The following MACROD2 variants were observed in gnomAD, a reference collection of about 807,000 sequenced individuals.
MACROD2 encodes the protein ADP-ribose glycohydrolase MACROD2.
MACROD2 carries 36 observed loss-of-function variants against 70.4 expected under a neutral mutation model. The observed-to-expected ratio is 0.51, with a 90% confidence interval of 0.39 to 0.68. The LOEUF is 0.68. MACROD2 is among the 30% of genes least tolerant of loss of function. The pLI, the probability that MACROD2 is intolerant of heterozygous loss-of-function variation, is 0.00. For synonymous variants in MACROD2, 172 were observed against 178.8 expected (o/e 0.96, Z 0.30); for missense variants, 496 against 538.4 (o/e 0.92, Z 0.78).
At chr20:15,131,834 A>G (rs1399527275) in intron 5 of MACROD2, among the ~76,000 whole-genome samples, 1 of 152,038 alleles carries the variant, frequency 6.6e-6, no homozygotes, top group Non-Finnish European at 1.5e-5. Flanking sequence ...AATGTAAAAC[A>G]TAAGAAGTTG....
rs184263329 is a variant in MACROD2, at chr20:15,701,618, A to G, written c.646-161127A>G. The stretch of plus-strand genomic sequence containing the variant: ...CATTTCCAGAGAAAATATCCTTAAT[A>G]TAGTTATGAATTGATGATTGCCTCC... On this transcript the variant is annotated intron_variant, in intron 8 of 17. Coordinates refer to ENST00000684519, the MANE Select transcript of MACROD2 (RefSeq NM_001351661.2). Among the ~76,000 whole-genome samples, 213 of 152,254 alleles carry G rather than the reference A, an allele frequency of 1.4e-3. 1 individual carries two copies. Among genetic ancestry groups the G allele is most frequent in the Non-Finnish European group, 2.4e-3 (161 of 68,014 alleles).
At chr20:16,033,727 T>C (rs1442828192) in intron 15 of MACROD2, among the ~76,000 whole-genome samples, 1 of 152,038 alleles carries the variant, frequency 6.6e-6, no homozygotes, top group Non-Finnish European at 1.5e-5. Context: ...ATGCCAGGAC[T>C]TGGATTTGAA....
chr20:14,231,144 T>C (rs1312468235), intron 3 of MACROD2, among the ~76,000 whole-genome samples: 2 of 152,118 alleles, frequency 1.3e-5, no homozygotes, highest in Non-Finnish European at 2.9e-5. Flanking sequence ...TTTTCTTTTT[T>C]TTTTAAATTA....
chr20:15,251,510 T>C (rs2077155814), intron 6 of MACROD2, among the ~76,000 whole-genome samples: 1 of 152,220 alleles, frequency 6.6e-6, no homozygotes, highest in Non-Finnish European at 1.5e-5. Flanking sequence ...GCATCCCCTA[T>C]ATTCCTTAAT....
intron 3 of MACROD2, among the ~76,000 whole-genome samples, chr20:14,113,504 A>G (rs1326914736): frequency 6.6e-6 from 1 of 152,078 alleles, no homozygotes; most frequent in Admixed American, 6.6e-5. Flanking sequence ...CTCTACATAA[A>G]TAGCTTGTTA....
At chr20:14,004,684 CA>C (rs1054018270) in intron 2 of MACROD2, among the ~76,000 whole-genome samples, 9 of 151,748 alleles carry the variant, frequency 5.9e-5, no homozygotes, top group Admixed American at 5.3e-4. Flanking sequence ...TATAAATTTA[CA>C]AAAAATAATA....
intron 5 of MACROD2, among the ~76,000 whole-genome samples, chr20:14,711,016 G>A (rs566196149): frequency 1.3e-5 from 2 of 152,284 alleles, no homozygotes; most frequent in South Asian, 2.1e-4. Flanking sequence ...TTTCCTATCA[G>A]GTGTATTGGA....
At chr20:14,957,021 C>T (rs1040329336) in intron 5 of MACROD2, among the ~76,000 whole-genome samples, 1 of 152,034 alleles carries the variant, frequency 6.6e-6, no homozygotes, top group Non-Finnish European at 1.5e-5. Flanking sequence ...TTGTACTTAT[C>T]TTTGACAATA....
At chr20:14,502,061 C>T (rs2423787) in intron 4 of MACROD2, among the ~76,000 whole-genome samples, 1 of 151,966 alleles carries the variant, frequency 6.6e-6, no homozygotes, top group Admixed American at 6.6e-5. Flanking sequence ...TCTCTCATCC[C>T]CAAAGAATCT....
At chr20:15,928,881 T>A (rs1369898120) in intron 10 of MACROD2, among the ~76,000 whole-genome samples, 1 of 152,230 alleles carries the variant, frequency 6.6e-6, no homozygotes, top group Non-Finnish European at 1.5e-5. Flanking sequence ...TTTTGGAACA[T>A]ATGAGATGAA....
chr20:14,728,926 A>G (rs946276176), intron 5 of MACROD2, among the ~76,000 whole-genome samples: 9 of 152,318 alleles, frequency 5.9e-5, no homozygotes, highest in African/African-American at 7.2e-5. Context: ...ATGGTTAGAT[A>G]GAGTAAATTC....
intron 8 of MACROD2, among the ~76,000 whole-genome samples, chr20:15,698,559 G>T (rs944430302): frequency 6.6e-6 from 1 of 152,172 alleles, no homozygotes; most frequent in African/African-American, 2.4e-5. Context: ...CCTAGGTGAA[G>T]ATCTTTTTGT....
chr20:14,114,137 G>A (rs1193095379), intron 3 of MACROD2, among the ~76,000 whole-genome samples: 1 of 152,038 alleles, frequency 6.6e-6, no homozygotes, highest in African/African-American at 2.4e-5. Context: ...TCTCTAATTA[G>A]TCTGATTTAC....
Position 15,779,715 on chromosome 20 carries a change from A to T in MACROD2, c.646-83030A>T, listed in dbSNP as rs576027159. Among the ~76,000 whole-genome samples the T allele has an allele frequency of 2.0e-5, 3 of 152,290 alleles. No individual in the cohort carries two copies. The South Asian group carries it at 6.2e-4, about 32-fold the overall frequency. ...AGAAAAACAGAAGTCACTTCTCTTG[A>T]TACTTCTTCCCATAAAGACTTACCT... is the stretch of plus-strand genomic sequence containing the variant. On this transcript the variant is annotated intron_variant, in intron 8 of 17. Coordinates refer to ENST00000684519, the MANE Select transcript of MACROD2 (RefSeq NM_001351661.2).
intron 5 of MACROD2, among the ~76,000 whole-genome samples, chr20:14,866,282 T>G (rs1378424517): frequency 1.3e-5 from 2 of 152,128 alleles, no homozygotes; most frequent in Non-Finnish European, 2.9e-5. Flanking sequence ...CTGTAGGAGC[T>G]ATCAGAGCAA....
chr20:14,029,955 C>T (rs1432582083), intron 2 of MACROD2, among the ~76,000 whole-genome samples: 2 of 152,126 alleles, frequency 1.3e-5, no homozygotes, highest in Non-Finnish European at 2.9e-5. Flanking sequence ...ATACACTAAG[C>T]CAGGTCATTC....
At chr20:14,686,249 A>G (rs1357990402) in intron 5 of MACROD2, among the ~76,000 whole-genome samples, 2 of 152,168 alleles carry the variant, frequency 1.3e-5, no homozygotes, top group Non-Finnish European at 2.9e-5. Context: ...ATTTTGAAAT[A>G]TTTGCATATA....
At chr20:15,331,545 G>T (rs1009552213) in intron 6 of MACROD2, among the ~76,000 whole-genome samples, 5 of 151,486 alleles carry the variant, frequency 3.3e-5, no homozygotes, top group Non-Finnish European at 5.9e-5. Context: ...AAAAAGAAAA[G>T]AAAATAAATA....
At chr20:15,613,045 A>C (rs979331120) in intron 8 of MACROD2, among the ~76,000 whole-genome samples, 1 of 152,226 alleles carries the variant, frequency 6.6e-6, no homozygotes, top group Non-Finnish European at 1.5e-5. Flanking sequence ...GGAGAGAAAT[A>C]TTCAGCTGCA....
Sources: allele counts gnomAD v4.1 joint callset (sites outside exome capture counted in the v4.1 genomes callset), GRCh38; gene constraint gnomAD v4.1.1; transcripts MANE v1.5; gene names NCBI Gene and HGNC (gene_info 2026-07-23, HGNC 2026-07-21).